The following RBFOX1 variants were observed in gnomAD, a reference collection of about 807,000 sequenced individuals.
RBFOX1 encodes the protein RNA binding fox-1 homolog 1, also known as RNA binding protein fox-1 homolog 1.
In RBFOX1, 8 loss-of-function variants were observed where a neutral mutation model predicts 57.7. That is an observed-to-expected ratio of 0.14 (90% CI 0.08 to 0.25). The LOEUF (loss-of-function observed/expected upper bound fraction) is 0.25, where lower values mean the gene tolerates loss of function less well. Among genes scored for constraint, RBFOX1 ranks in the 10% least tolerant of loss-of-function variants. The pLI is 1.00. For missense variants in RBFOX1, 611 were observed against 548.5 expected (o/e 1.11, Z -1.14); for synonymous variants, 326 against 222.4 (o/e 1.47, Z -4.15).
chr16:6,524,466 C>G (rs1050375501), intron 2 of RBFOX1, among the ~76,000 whole-genome samples: 1 of 152,130 alleles, frequency 6.6e-6, no homozygotes, highest in Non-Finnish European at 1.5e-5. Flanking sequence ...AACTCACTTT[C>G]GAAGCGTGTT....
At chr16:6,827,745 C>G (rs993753575) in intron 3 of RBFOX1, among the ~76,000 whole-genome samples, 1 of 152,156 alleles carries the variant, frequency 6.6e-6, no homozygotes, top group South Asian at 2.1e-4. Context: ...ACATGGATCT[C>G]CGGTCACCTC....
At chr16:7,187,983 T>A (rs887183961) in intron 4 of RBFOX1, among the ~76,000 whole-genome samples, 2 of 152,220 alleles carry the variant, frequency 1.3e-5, no homozygotes, top group Non-Finnish European at 2.9e-5. Context: ...ATCTCGAGAA[T>A]GTATCTGACT....
At chr16:7,256,724 G>A (rs2094700473) in intron 4 of RBFOX1, among the ~76,000 whole-genome samples, 1 of 152,136 alleles carries the variant, frequency 6.6e-6, no homozygotes, top group South Asian at 2.1e-4. Flanking sequence ...GACGCCCAGG[G>A]CCATGTTCAC....
chr16:6,394,654 A>G (rs2092746322), intron 2 of RBFOX1, among the ~76,000 whole-genome samples: 1 of 151,136 alleles, frequency 6.6e-6, no homozygotes, highest in Non-Finnish European at 1.5e-5. Flanking sequence ...TGTGTATTAG[A>G]TATATATATG....
chr16:5,698,811 C>T (rs551116430), intron 3 of RBFOX1, among the ~76,000 whole-genome samples: 2 of 152,218 alleles, frequency 1.3e-5, no homozygotes, highest in South Asian at 4.2e-4. Flanking sequence ...ATGAATGAAC[C>T]TTGAATACTT....
chr16:5,624,813 G>A lies in RBFOX1; in HGVS notation c.318+25852G>A, dbSNP rs548330976. ...GCTGAGTGCCAGGTGGCATCACAGA[G>A]CTCTTATGGCAGGATGGGGGGACAG... On this transcript the variant is annotated intron_variant, in intron 3 of 19. Coordinates refer to the RBFOX1 transcript ENST00000641259. Among the ~76,000 whole-genome samples, 37 of 152,350 alleles carry A rather than the reference G, an allele frequency of 2.4e-4. No homozygotes were observed. The South Asian group carries it at 5.6e-3, about 23-fold the overall frequency.
intron 4 of RBFOX1, among the ~76,000 whole-genome samples, chr16:7,114,351 A>G (rs1405766274): frequency 6.6e-6 from 1 of 152,210 alleles, no homozygotes; most frequent in African/African-American, 2.4e-5. Context: ...TGGAGGTCCA[A>G]GGTCACATAT....
chr16:5,961,100 C>T (rs1404934197), intron 4 of RBFOX1, among the ~76,000 whole-genome samples: 4 of 152,206 alleles, frequency 2.6e-5, no homozygotes, highest in African/African-American at 9.7e-5. Flanking sequence ...CTTTTCTAAC[C>T]TCTCACAACC....
intron 11 of RBFOX1, among the ~76,000 whole-genome samples, chr16:7,635,153 G>A (rs2061559964): frequency 6.6e-6 from 1 of 152,168 alleles, no homozygotes; most frequent in Non-Finnish European, 1.5e-5. Flanking sequence ...AAATAGGAAG[G>A]TAAAGAACAT....
At chr16:7,437,668 C>A (rs554015830) in intron 4 of RBFOX1, among the ~76,000 whole-genome samples, 2 of 152,050 alleles carry the variant, frequency 1.3e-5, no homozygotes, top group African/African-American at 4.8e-5. Context: ...CGATTAAGGC[C>A]GGAGTAGGCA....
At chr16:5,955,097 A>T (rs2059597863) in intron 4 of RBFOX1, among the ~76,000 whole-genome samples, 1 of 131,510 alleles carries the variant, frequency 7.6e-6, no homozygotes, top group African/African-American at 3.0e-5. Flanking sequence ...CCTGGGCAAC[A>T]GGGTGAAACT....
intron 2 of RBFOX1, among the ~76,000 whole-genome samples, chr16:5,482,513 A>G (rs1489780273): frequency 6.6e-6 from 1 of 152,226 alleles, no homozygotes; most frequent in Non-Finnish European, 1.5e-5. Flanking sequence ...TGAGCCAGGG[A>G]GAAAGACAAA....
intron 2 of RBFOX1, among the ~76,000 whole-genome samples, chr16:6,540,836 A>T (rs1386264143): frequency 2.0e-5 from 3 of 152,126 alleles, no homozygotes; most frequent in African/African-American, 7.2e-5. Context: ...TGAAACTACC[A>T]GTGGATTACT....
At chr16:6,509,540 G>T (rs1379272053) in intron 2 of RBFOX1, among the ~76,000 whole-genome samples, 1 of 152,130 alleles carries the variant, frequency 6.6e-6, no homozygotes, top group Non-Finnish European at 1.5e-5. Context: ...AGGCCAGGAA[G>T]GATAGTGTGG....
At chr16:7,167,516 A>G (rs2079817706) in intron 4 of RBFOX1, among the ~76,000 whole-genome samples, 1 of 152,094 alleles carries the variant, frequency 6.6e-6, no homozygotes, top group African/African-American at 2.4e-5. Context: ...AGGAACAAGA[A>G]AGACCCTCCC....
intron 3 of RBFOX1, among the ~76,000 whole-genome samples, chr16:5,717,447 C>T (rs977024220): frequency 2.0e-5 from 3 of 151,924 alleles, no homozygotes; most frequent in Non-Finnish European, 4.4e-5. Flanking sequence ...TTTGGTGCAC[C>T]CATCACCCAA....
At chr16:6,755,725 T>C (rs2075682591) in intron 3 of RBFOX1, among the ~76,000 whole-genome samples, 1 of 152,198 alleles carries the variant, frequency 6.6e-6, no homozygotes, top group Admixed American at 6.5e-5. Flanking sequence ...GATTTCCCTG[T>C]TATTCAAAAA....
At chr16:7,393,316 C>T (rs558628791) in intron 4 of RBFOX1, among the ~76,000 whole-genome samples, 4 of 152,164 alleles carry the variant, frequency 2.6e-5, no homozygotes, top group African/African-American at 9.7e-5. Context: ...AGATGGGGTA[C>T]TTGATTGGCA....
chr16:7,091,124 G>A (rs560610332), intron 4 of RBFOX1, among the ~76,000 whole-genome samples: 14 of 95,834 alleles, frequency 1.5e-4, no homozygotes, highest in Admixed American at 2.2e-4. Context: ...TAACCTTTTC[G>A]TTTCTCTTTA....
Sources: allele counts gnomAD v4.1 joint callset (sites outside exome capture counted in the v4.1 genomes callset), GRCh38; gene constraint gnomAD v4.1.1; transcripts MANE v1.5; gene names NCBI Gene and HGNC (gene_info 2026-07-23, HGNC 2026-07-21).